The following PDCD10 variants were observed in gnomAD, a reference collection of about 807,000 sequenced individuals.
PDCD10 encodes programmed cell death protein 10.
A neutral mutation model predicts 29.2 loss-of-function variants in PDCD10; 4 were observed. The ratio of observed to expected loss-of-function variants is 0.14; its 90% CI spans 0.07 to 0.31. The LOEUF (loss-of-function observed/expected upper bound fraction) is 0.31. Among genes scored for constraint, PDCD10 ranks in the 10% least tolerant of loss-of-function variants. PDCD10 has a pLI of 1.00. For missense variants in PDCD10, 183 were observed against 257.9 expected, an observed-to-expected ratio of 0.71 and a Z score of 1.99; for synonymous variants, 70 against 82.2, an observed-to-expected ratio of 0.85 and a Z score of 0.80.
At chr3:167,707,119 A>T (rs1722051055) in intron 3 of PDCD10, among the ~76,000 whole-genome samples, 1 of 152,206 alleles carries the variant, frequency 6.6e-6, no homozygotes, top group Non-Finnish European at 1.5e-5. Context: ...TGAAAAGTGG[A>T]GTGACTGCCA....
intron 6 of PDCD10, among the ~76,000 whole-genome samples, chr3:167,689,677 G>T (rs954856065): frequency 6.6e-6 from 1 of 151,976 alleles, no homozygotes; most frequent in African/African-American, 2.4e-5. Context: ...AAGGGGGTGG[G>T]GGGAGGCGCA....
chr3:167,729,682 T>C (rs1724590507), intron 2 of PDCD10, among the ~76,000 whole-genome samples: 1 of 152,206 alleles, frequency 6.6e-6, no homozygotes, highest in Non-Finnish European at 1.5e-5. Flanking sequence ...ACTCAATAAA[T>C]GCTAGCTATT....
chr3:167,701,770 T>C (rs1037652479), intron 4 of PDCD10, among the ~76,000 whole-genome samples: 3 of 152,186 alleles, frequency 2.0e-5, no homozygotes, highest in African/African-American at 7.2e-5. Context: ...GCTACTGTTG[T>C]TATAGAAAAA....
At chr3:167,689,588 C>A (rs1719992512) in intron 6 of PDCD10, among the ~76,000 whole-genome samples, 1 of 94,880 alleles carries the variant, frequency 1.1e-5, no homozygotes, top group African/African-American at 4.7e-5. Context: ...GAGACAAAAA[C>A]ACAGGGGAGA....
intron 4 of PDCD10, 139 bp downstream of exon 4, chr3:167,704,703 T>C (rs1220579455): frequency 6.1e-6 from 4 of 654,122 alleles, no homozygotes; most frequent in Non-Finnish European, 1.1e-5. Flanking sequence ...TGTTTTAAGC[T>C]TTATGGAATA....
At chr3:167,724,368 C>T (rs1723878107) in intron 2 of PDCD10, among the ~76,000 whole-genome samples, 1 of 152,126 alleles carries the variant, frequency 6.6e-6, no homozygotes. Flanking sequence ...TCTTATAATT[C>T]CTATAATTTC....
chr3:167,718,873 A>G (rs1449272369), intron 3 of PDCD10, among the ~76,000 whole-genome samples: 1 of 152,026 alleles, frequency 6.6e-6, no homozygotes, highest in African/African-American at 2.4e-5. Context: ...ACTTACCTTC[A>G]GAATCTTTTA....
In PDCD10 at chr3:167,697,131, A is replaced by G. The variant is rs200292264; in HGVS notation, c.151-5T>C. 26 of 1,448,506 alleles carry G rather than the reference A, an allele frequency of 1.8e-5. 1 individual carries two copies. The East Asian group carries it at 5.7e-4, about 32-fold the overall frequency. 89.7% of individuals were successfully genotyped at this position (1,448,506 alleles called of 1,614,324 possible). On this transcript the variant is annotated splice_region_variant and splice_polypyrimidine_tract_variant and intron_variant, in intron 4 of 8. Coordinates refer to ENST00000392750, the MANE Select transcript of PDCD10 (RefSeq NM_007217.4). ...ACCTGGATTTTCTTTTTCAGCCTAT[A>G]ATAAAGAGAAAACTAGTTTTGAAAT...
intron 2 of PDCD10, among the ~76,000 whole-genome samples, chr3:167,730,324 A>T (rs1308505507): frequency 6.6e-6 from 1 of 152,024 alleles, no homozygotes; most frequent in Non-Finnish European, 1.5e-5. Context: ...TCACTTTTAC[A>T]GTTTATATTA....
intron 6 of PDCD10, 114 bp from the exon 7 acceptor site, chr3:167,687,807 A>C (rs1719778432): frequency 1.5e-6 from 1 of 683,900 alleles, no homozygotes; most frequent in South Asian, 1.6e-5. Context: ...ATCACAGTAC[A>C]CTCTTAATTA....
At chr3:167,721,888 G>A (rs897178910) in intron 2 of PDCD10, among the ~76,000 whole-genome samples, 7 of 152,206 alleles carry the variant, frequency 4.6e-5, no homozygotes, top group African/African-American at 1.7e-4. Context: ...GAAGAATAAC[G>A]ACAAGGAAAA....
intron 6 of PDCD10, among the ~76,000 whole-genome samples, chr3:167,689,418 G>C (rs1719976346): frequency 6.6e-6 from 1 of 152,132 alleles, no homozygotes; most frequent in Non-Finnish European, 1.5e-5. Flanking sequence ...AGTTTATATA[G>C]TCTTACTTTG....
Position 167,708,984 on chromosome 3 carries a change from A to G in PDCD10, c.97-4089T>C, listed in dbSNP as rs115583581. On this transcript the variant is annotated intron_variant, in intron 3 of 8. Transcript: ENST00000392750. ...CCCCATTTTATAAATAAGGAAACAG[A>G]TAAGATTAAATAGCTTACTAAGAAG... Among the ~76,000 whole-genome samples, 1,110 of 152,318 alleles carry G rather than the reference A, an allele frequency of 7.3e-3. 13 individuals are homozygous for G. The highest frequency in any genetic ancestry group is 0.025 in the African/African-American group (1,058 of 41,558).
intron 4 of PDCD10, among the ~76,000 whole-genome samples, chr3:167,699,621 T>C (rs1188553290): frequency 6.6e-6 from 1 of 152,220 alleles, no homozygotes; most frequent in Admixed American, 6.5e-5. Flanking sequence ...CTGTAGGGTG[T>C]CTAATCTTTG....
chr3:167,731,852 G>T (rs531535658), intron 2 of PDCD10, among the ~76,000 whole-genome samples: 1 of 152,132 alleles, frequency 6.6e-6, no homozygotes, highest in East Asian at 1.9e-4. Context: ...CTCCCCTGAC[G>T]AACGATATTT....
At chr3:167,695,493 A>T (rs1720704220) in intron 6 of PDCD10, 103 bp downstream of exon 6, 2 of 1,029,632 alleles carry the variant, frequency 1.9e-6, no homozygotes, top group African/African-American at 3.2e-5. Flanking sequence ...TTTTATTTCA[A>T]ATAAGCATTT....
chr3:167,699,803 T>A (rs551978502), intron 4 of PDCD10, among the ~76,000 whole-genome samples: 34 of 152,336 alleles, frequency 2.2e-4, no homozygotes, highest in African/African-American at 6.0e-4. Flanking sequence ...TGGTTTTAAC[T>A]GCTCAGGTCC....
At chr3:167,700,484 GA>G (rs56875499) in intron 4 of PDCD10, among the ~76,000 whole-genome samples, 42,324 of 144,032 alleles carry the variant, frequency 0.29, 6,173 homozygotes, top group African/African-American at 0.39. Context: ...CTCACTGTAA[GA>G]AAAAAAAAAA....
At chr3:167,715,669 A>G (rs1722934470) in intron 3 of PDCD10, among the ~76,000 whole-genome samples, 1 of 152,134 alleles carries the variant, frequency 6.6e-6, no homozygotes, top group Admixed American at 6.6e-5. Context: ...GGTGCTCAAC[A>G]TCATAGACCA....
Sources: allele counts gnomAD v4.1 joint callset (sites outside exome capture counted in the v4.1 genomes callset), GRCh38; gene constraint gnomAD v4.1.1; transcripts MANE v1.5; gene names NCBI Gene and HGNC (gene_info 2026-07-23, HGNC 2026-07-21).